The following GORASP1 variants were observed in gnomAD, a reference collection of about 807,000 sequenced individuals.
GORASP1 encodes Golgi reassembly-stacking protein 1.
In GORASP1, 31 loss-of-function variants were observed where a neutral mutation model predicts 37.7. The ratio of observed to expected loss-of-function variants is 0.82; its 90% CI spans 0.62 to 1.11. The LOEUF is 1.11. GORASP1 is among the 50% of genes least tolerant of loss of function. The probability of loss-of-function intolerance (pLI) is 0.00; values close to 1 mark genes in which losing one functional copy is unlikely to be tolerated. For synonymous variants in GORASP1, 204 were observed against 224.8 expected (o/e 0.91, Z 0.83); for missense variants, 476 against 560.7 (o/e 0.85, Z 1.53).
chr3:39,103,400 G>C lies in GORASP1; in HGVS notation c.144+73C>G. ...AAAAGGGAGGGAAGGGTAGACTGGG[G>C]CCCCCTGTGGGACAGATGAAGACAC... On this transcript the variant is annotated intron_variant, in intron 2 of 8. Coordinates refer to ENST00000319283, the MANE Select transcript of GORASP1 (RefSeq NM_031899.4). The surrounding 1 kb of genome is among the most constrained non-coding windows in gnomAD (Gnocchi z 5.2). The C allele has an allele frequency of 7.9e-7, 1 of 1,257,874 alleles. No individual in the cohort carries two copies. 77.9% of individuals were successfully genotyped at this position (1,257,874 alleles called of 1,614,324 possible).
rs778138021 is a variant in GORASP1 at position 39,103,683 on chromosome 3, C to G, written c.64-130G>C. Reference sequence around the variant, plus strand: ...AACACATGTCTGGCATGAACTGTTCCGGACATTCTCAGGGTTCACTCCATG... The same window carrying G: ...AACACATGTCTGGCATGAACTGTTCGGGACATTCTCAGGGTTCACTCCATG... On this transcript the variant is annotated intron_variant, in intron 1 of 8. Coordinates refer to ENST00000319283, the MANE Select transcript of GORASP1 (RefSeq NM_031899.4). This position sits in a 1 kb window ranked among gnomAD's most constrained non-coding sequence, Gnocchi z 5.2. 3.2e-6 allele frequency: 2 copies of G among 628,968 alleles called. No individual in the cohort carries two copies. The highest frequency in any genetic ancestry group is 5.3e-6 in the Non-Finnish European group (2 of 374,132). The allele number at this position is 628,968 out of a possible 1,614,324, so 39.0% of individuals were successfully genotyped here. A position where few individuals can be genotyped will look rare whatever the true frequency, so the allele number is the denominator to read the frequency against.
Position 39,103,456 on chromosome 3 carries a change from C to A in GORASP1, c.144+17G>T. ...CACACATAAGCAAGCAAAGCAGAGG[C>A]AGGTTGGGGAACTCACCAGCCTCGA... On this transcript the variant is annotated intron_variant, in intron 2 of 8. Transcript: ENST00000319283. This position sits in a 1 kb window ranked among gnomAD's most constrained non-coding sequence, Gnocchi z 5.2. 2 of 1,601,176 alleles carry A rather than the reference C, an allele frequency of 1.2e-6. No homozygotes were observed. Among genetic ancestry groups the A allele is most frequent in the Non-Finnish European group, 8.5e-7 (1 of 1,172,462 alleles).
chr3:39,100,317 ACT>A lies in GORASP1; in HGVS notation c.751_752del (p.Ser251Ter). ...SPSLETGSRQ[S>X]DYMEALLQAP... Reference sequence around the variant, plus strand: ...TCTCCCCACATACCTCCATGTAGTCACTCTGCCTGGAACCTGTCTCCAGGGAA... The same window carrying A: ...TCTCCCCACATACCTCCATGTAGTCACTGCCTGGAACCTGTCTCCAGGGAA... On this transcript the variant is annotated frameshift_variant, in exon 6 of 9. Coordinates refer to ENST00000319283, the MANE Select transcript of GORASP1 (RefSeq NM_031899.4). LOFTEE classifies it high-confidence loss of function. The surrounding 1 kb of genome is among the most constrained non-coding windows in gnomAD (Gnocchi z 4.6). 1 of 1,613,734 alleles carries A rather than the reference ACT, an allele frequency of 6.2e-7. No individual in the cohort carries two copies. Among genetic ancestry groups the A allele is most frequent in the South Asian group, 1.1e-5 (1 of 91,064 alleles).
Position 39,099,409 on chromosome 3 carries a change from TGGGGAAGTCCATCAG to T in GORASP1, c.845_859del (p.Pro282_Pro286del). 1.2e-6 allele frequency: 2 copies of T among 1,613,208 alleles called. No individual in the cohort carries two copies. The highest frequency in any genetic ancestry group is 1.7e-6 in the Non-Finnish European group (2 of 1,179,694). Reference sequence around the variant, plus strand: ...GGGCTGAAGAGGAGTCTCCATGAAATGGGGAAGTCCATCAGGGTCTGGAGCACTGTGGCTGGGACT... The same window carrying T: ...GGGCTGAAGAGGAGTCTCCATGAAATGGTCTGGAGCACTGTGGCTGGGACT... On this transcript the variant is annotated inframe_deletion, in exon 7 of 9. Coordinates refer to ENST00000319283, the MANE Select transcript of GORASP1 (RefSeq NM_031899.4).
rs1354121729 is a variant in GORASP1, at chr3:39,098,160, A to G, written c.*76T>C. On this transcript the variant is annotated 3_prime_UTR_variant, in exon 9 of 9. Transcript: ENST00000319283. The surrounding 1 kb of genome is among the most constrained non-coding windows in gnomAD (Gnocchi z 4.7). ...CAAAGCAGCAAGGAATCCTGACCGC[A>G]TAGTGCAGCCCGGGCTGCCTGCCCA... is the stretch of plus-strand genomic sequence containing the variant. 6 of 1,530,118 alleles carry G rather than the reference A, an allele frequency of 3.9e-6. No individual in the cohort carries two copies. The highest frequency in any genetic ancestry group is 4.4e-6 in the Non-Finnish European group (5 of 1,129,648). 94.8% of individuals were successfully genotyped at this position (1,530,118 alleles called of 1,614,324 possible).
chr3:39,106,924 T>C, intron 1 of GORASP1: 1 of 335,786 alleles, frequency 3.0e-6, no homozygotes, highest in Non-Finnish European at 6.2e-6. Flanking sequence ...CTCCCGGCCC[T>C]CCCGCTCCCC....
rs1681877984 is a variant in GORASP1, at chr3:39,107,609, A to G, written c.-68T>C. On this transcript the variant is annotated 5_prime_UTR_variant, in exon 1 of 9. Transcript: ENST00000319283. ...CTACCCGGACCGACCCGACGCCAGT[A>G]GCACCGACTCGCTCTCTCGGCGCTC... 7.2e-7 allele frequency: 1 copy of G among 1,398,166 alleles called. No homozygotes were observed. 86.6% of individuals were successfully genotyped at this position (1,398,166 alleles called of 1,614,324 possible).
rs144973706 is a variant in GORASP1, at chr3:39,096,926, G to C, written c.*1310C>G. On this transcript the variant is annotated 3_prime_UTR_variant, in exon 9 of 9. Transcript: ENST00000319283. ...CCCAGAACAGTCCTGTGGCGATTCTGTTCTACTTCCTGCATTCCAGCAGAC... is the reference window on the plus strand; with the variant it reads ...CCCAGAACAGTCCTGTGGCGATTCTCTTCTACTTCCTGCATTCCAGCAGAC... 1 of 152,288 alleles carries C rather than the reference G, an allele frequency of 6.6e-6. No homozygotes were observed. The highest frequency in any genetic ancestry group is 2.1e-4 in the South Asian group (1 of 4,830). The allele number at this position is 152,288 out of a possible 1,614,324, so 9.4% of individuals were successfully genotyped here. A position where few individuals can be genotyped will look rare whatever the true frequency, so the allele number is the denominator to read the frequency against.
Position 39,100,834 on chromosome 3 carries a change from G to T in GORASP1, c.479C>A (p.Pro160His). ...GGAGTTATACACCATCAGCTTCAAG[G>T]GCTTCCCCTCATGAGACTCGATGAG... ...FTLIESHEGK[P>H]LKLMVYNSKS... Residue 160 changes from proline to histidine, a missense_variant, in exon 5 of 9, where the codon CCC (proline) becomes CAC (histidine). Transcript: ENST00000319283. The surrounding 1 kb of genome is among the most constrained non-coding windows in gnomAD (Gnocchi z 4.6). 2.5e-6 allele frequency: 4 copies of T among 1,614,144 alleles called. No individual in the cohort carries two copies. The highest frequency in any genetic ancestry group is 3.4e-6 in the Non-Finnish European group (4 of 1,179,996).
chr3:39,101,970 A>G (rs1036743262), intron 3 of GORASP1, among the ~76,000 whole-genome samples: 1 of 152,244 alleles, frequency 6.6e-6, no homozygotes, highest in Non-Finnish European at 1.5e-5. Flanking sequence ...TCGATTAATC[A>G]TATAAGAATA....
Position 39,102,861 on chromosome 3 carries a change from C to T in GORASP1, c.165G>A (p.Leu55=). ...CCACATTGGCTTTCAGTAGTGCCTT[C>T]AGGGTGTCATTCTCCTTGTTCTGTG... ...HSRLNKENDT[L]KALLKANVEK... The change falls in exon 3 of 9, where the codon CTG becomes CTA. Residue 55 remains leucine, a synonymous_variant. Coordinates refer to ENST00000319283, the MANE Select transcript of GORASP1 (RefSeq NM_031899.4). This position sits in a 1 kb window ranked among gnomAD's most constrained non-coding sequence, Gnocchi z 5.0. 6.2e-7 allele frequency: 1 copy of T among 1,614,194 alleles called. No homozygotes were observed. Among genetic ancestry groups the T allele is most frequent in the Non-Finnish European group, 8.5e-7 (1 of 1,180,036 alleles).
rs2036284460 is a variant in GORASP1 at position 39,107,529 on chromosome 3, C to CT, written c.12_13insA (p.Val5SerfsTer4). Reference sequence around the variant, plus strand: ...CCGCCTGCGGGCTGCTCAGCGCTGACGCCCAGGCCCATGGCAGCGGCTCCG... The same window carrying CT: ...CCGCCTGCGGGCTGCTCAGCGCTGACTGCCCAGGCCCATGGCAGCGGCTCCG... On this transcript the variant is annotated frameshift_variant, in exon 1 of 9. Transcript: ENST00000319283. LOFTEE classifies it high-confidence loss of function. The CT allele has an allele frequency of 6.6e-7, 1 of 1,506,012 alleles. No homozygotes were observed. The highest frequency in any genetic ancestry group is 1.4e-5 in the African/African-American group (1 of 70,326). The allele number at this position is 1,506,012 out of a possible 1,614,324, so 93.3% of individuals were successfully genotyped here.
Position 39,103,663 on chromosome 3 carries a change from A to G in GORASP1, c.64-110T>C. On this transcript the variant is annotated intron_variant, in intron 1 of 8. Transcript: ENST00000319283. This position sits in a 1 kb window ranked among gnomAD's most constrained non-coding sequence, Gnocchi z 5.2. ...ACTCCCAGTGTGCCAGCCAGAACAC[A>G]TGTCTGGCATGAACTGTTCCGGACA... 6.9e-6 allele frequency: 5 copies of G among 727,716 alleles called. No homozygotes were observed. 45.1% of individuals were successfully genotyped at this position (727,716 alleles called of 1,614,324 possible). A position where few individuals can be genotyped will look rare whatever the true frequency, so the allele number is the denominator to read the frequency against.
intron 1 of GORASP1, chr3:39,107,069 C>T: frequency 2.1e-6 from 1 of 465,204 alleles, no homozygotes. Flanking sequence ...GGACTGTCCT[C>T]GGCGTGGCTG....
chr3:39,098,518 G>A lies in GORASP1; in HGVS notation c.1070-29C>T, dbSNP rs752057587. The A allele has an allele frequency of 1.2e-5, 19 of 1,595,304 alleles. No homozygotes were observed. The highest frequency in any genetic ancestry group is 1.6e-5 in the Non-Finnish European group (19 of 1,169,962). On this transcript the variant is annotated intron_variant, in intron 8 of 8. Transcript: ENST00000319283. The surrounding 1 kb of genome is among the most constrained non-coding windows in gnomAD (Gnocchi z 4.7). ...CAACACAGAAGATCAGGCTGAGGAGGTCTGCAAGAACCTAGGGCCATGGTG... is the reference window on the plus strand; with the variant it reads ...CAACACAGAAGATCAGGCTGAGGAGATCTGCAAGAACCTAGGGCCATGGTG...
rs1326741808 is a variant in GORASP1 at position 39,098,209 on chromosome 3, T to C, written c.*27A>G. 6.2e-7 allele frequency: 1 copy of C among 1,607,696 alleles called. No individual in the cohort carries two copies. On this transcript the variant is annotated 3_prime_UTR_variant, in exon 9 of 9. Transcript: ENST00000319283. The surrounding 1 kb of genome is among the most constrained non-coding windows in gnomAD (Gnocchi z 4.7). ...CACATCTGGGCCTCATGAAATGTCA[T>C]CATGGGCCTTGTCACAGCCCAGGGT...
At position 39,098,207 on chromosome 3, in the gene GORASP1, C is replaced by A; in HGVS notation, c.*29G>T. The A allele has an allele frequency of 6.2e-7, 1 of 1,605,770 alleles. No homozygotes were observed. Among genetic ancestry groups the A allele is most frequent in the South Asian group, 1.1e-5 (1 of 90,106 alleles). ...CCCACATCTGGGCCTCATGAAATGT[C>A]ATCATGGGCCTTGTCACAGCCCAGG... On this transcript the variant is annotated 3_prime_UTR_variant, in exon 9 of 9. Transcript: ENST00000319283. This position sits in a 1 kb window ranked among gnomAD's most constrained non-coding sequence, Gnocchi z 4.7.
At position 39,100,854 on chromosome 3, in the gene GORASP1, G is replaced by A. The variant is rs759045479; in HGVS notation, c.459C>T (p.Ile153=). ...TCAAGGGCTTCCCCTCATGAGACTC[G>A]ATGAGCGTAAAGAAGTCCTCGGACT... The part of the protein sequence containing the change: ...LQESEDFFTL[I]ESHEGKPLKL... Residue 153 remains isoleucine, a synonymous_variant, in exon 5 of 9, where the codon ATC becomes ATT. Coordinates refer to ENST00000319283, the MANE Select transcript of GORASP1 (RefSeq NM_031899.4). The surrounding 1 kb of genome is among the most constrained non-coding windows in gnomAD (Gnocchi z 4.6). 2 of 1,614,078 alleles carry A rather than the reference G, an allele frequency of 1.2e-6. No homozygotes were observed. The highest frequency in any genetic ancestry group is 2.2e-5 in the East Asian group (1 of 44,880).
intron 3 of GORASP1, among the ~76,000 whole-genome samples, chr3:39,101,987 A>T (rs2035749483): frequency 6.6e-6 from 1 of 152,188 alleles, no homozygotes; most frequent in South Asian, 2.1e-4. Context: ...AATATACCAG[A>T]AAAAACAGTA....
Sources: gnomAD v4.1 joint callset for allele counts (sites outside exome capture counted in the v4.1 genomes callset) on GRCh38, gnomAD v4.1.1 for gene constraint, Gnocchi (gnomAD v3.1) non-coding constraint, MANE v1.5 for transcripts, NCBI Gene and HGNC (gene_info 2026-07-23, HGNC 2026-07-21) for gene names.